Variants in STXBP5L observed in about 807,000 individuals in gnomAD.
STXBP5L encodes the protein syntaxin-binding protein 5-like.
A neutral mutation model predicts 144.5 loss-of-function variants in STXBP5L; 65 were observed. The observed-to-expected ratio is 0.45, with a 90% CI of 0.37 to 0.55. The LOEUF (loss-of-function observed/expected upper bound fraction) is 0.55, where lower values mean the gene tolerates loss of function less well. STXBP5L is among the 20% of genes least tolerant of loss of function. The probability of loss-of-function intolerance (pLI) is 0.00; values close to 1 mark genes in which losing one functional copy is unlikely to be tolerated. For missense variants in STXBP5L, 1,298 were observed against 1,405.5 expected, an observed-to-expected ratio of 0.92 and a Z score of 1.22; for synonymous variants, 505 against 469.6, an observed-to-expected ratio of 1.08 and a Z score of -0.97.
chr3:121,144,559 G>A (rs550388294), intron 7 of STXBP5L, among the ~76,000 whole-genome samples: 1 of 151,998 alleles, frequency 6.6e-6, no homozygotes, highest in East Asian at 1.9e-4. Context: ...GCAGTGTGGA[G>A]GTTCCTCAAA....
intron 5 of STXBP5L, among the ~76,000 whole-genome samples, chr3:121,054,040 G>T (rs1471461682): frequency 2.0e-5 from 3 of 152,136 alleles, no homozygotes; most frequent in African/African-American, 7.2e-5. Flanking sequence ...ACCACAATGA[G>T]ATACCATCTC....
At chr3:121,232,184 A>T (rs1343923189) in intron 11 of STXBP5L, among the ~76,000 whole-genome samples, 1 of 152,166 alleles carries the variant, frequency 6.6e-6, no homozygotes, top group Non-Finnish European at 1.5e-5. Context: ...ACACATATAC[A>T]TATACACATC....
intron 3 of STXBP5L, among the ~76,000 whole-genome samples, chr3:121,011,765 T>G (rs1263648581): frequency 6.6e-6 from 1 of 151,560 alleles, no homozygotes; most frequent in Non-Finnish European, 1.5e-5. Flanking sequence ...TGTTATATCT[T>G]TTTTTTTGTT....
At chr3:121,397,041 A>T (rs2046748548) in intron 22 of STXBP5L, among the ~76,000 whole-genome samples, 1 of 152,246 alleles carries the variant, frequency 6.6e-6, no homozygotes, top group African/African-American at 2.4e-5. Flanking sequence ...TTTGAGCTGA[A>T]GTATAGGGTG....
chr3:121,367,448 T>C (rs551738475), intron 20 of STXBP5L, among the ~76,000 whole-genome samples: 10 of 152,130 alleles, frequency 6.6e-5, no homozygotes, highest in Non-Finnish European at 1.3e-4. Context: ...GCATTTTAAA[T>C]ATATTGATTC....
At chr3:121,045,751 G>T (rs761170241) in intron 5 of STXBP5L, among the ~76,000 whole-genome samples, 12 of 152,248 alleles carry the variant, frequency 7.9e-5, no homozygotes, top group Non-Finnish European at 1.8e-4. Context: ...AGCTTAAGGA[G>T]CTTTTGGGCT....
At chr3:121,409,076 T>C (rs1316867410) in intron 23 of STXBP5L, among the ~76,000 whole-genome samples, 1 of 151,864 alleles carries the variant, frequency 6.6e-6, no homozygotes, top group Admixed American at 6.6e-5. Context: ...TTTGCACTCT[T>C]AGAAAAATAT....
chr3:121,277,972 A>G (rs2050937238), intron 18 of STXBP5L, among the ~76,000 whole-genome samples: 2 of 152,016 alleles, frequency 1.3e-5, no homozygotes, highest in South Asian at 2.1e-4. Flanking sequence ...ACATGGATGC[A>G]CAGATTAGTA....
chr3:120,971,417 A>C, intron 3 of STXBP5L, among the ~76,000 whole-genome samples: 1 of 151,114 alleles, frequency 6.6e-6, no homozygotes. Context: ...TGGAGCCTCC[A>C]ATGTCTATTA....
At chr3:121,057,576 A>G (rs1948549494) in intron 5 of STXBP5L, among the ~76,000 whole-genome samples, 1 of 152,030 alleles carries the variant, frequency 6.6e-6, no homozygotes, top group South Asian at 2.1e-4. Context: ...GGAATAATAT[A>G]TATATAGTTC....
chr3:121,235,667 C>G (rs1363163867), intron 12 of STXBP5L, among the ~76,000 whole-genome samples: 1 of 152,088 alleles, frequency 6.6e-6, no homozygotes, highest in Non-Finnish European at 1.5e-5. Flanking sequence ...TCTGATATAT[C>G]TAGTTTAACC....
chr3:121,255,000 C>G lies in STXBP5L; in HGVS notation c.1547C>G (p.Ala516Gly), dbSNP rs2050160430. The G allele has an allele frequency of 6.2e-7, 1 of 1,613,354 alleles. No individual in the cohort carries two copies. Among genetic ancestry groups the G allele is most frequent in the Non-Finnish European group, 8.5e-7 (1 of 1,179,686 alleles). ...GAAATTGTAGAGGAAGACCCATTTG[C>G]CATTCAGATGATTTACTGGTGTCCA... ...TCEIVEEDPFAIQMIYWCPES... is the reference protein window; with the variant it reads ...TCEIVEEDPFGIQMIYWCPES... The change falls in exon 16 of 27, where the codon GCC becomes GGC. Residue 516 changes from alanine (A) to glycine (G), a missense_variant. By Grantham distance (60) the Ala-to-Gly change is moderately conservative (BLOSUM62 0). Transcript: ENST00000471454.
chr3:121,324,679 TTTG>T, intron 20 of STXBP5L: 1 of 573,158 alleles, frequency 1.7e-6, no homozygotes, highest in Non-Finnish European at 3.1e-6. Flanking sequence ...TTTATTCTCA[TTTG>T]TTGTGGTGGA....
In STXBP5L at chr3:121,189,235, A is replaced by T. The variant is rs567973538; in HGVS notation, c.878-16688A>T. Among the ~76,000 whole-genome samples, 432 of 152,178 alleles carry T rather than the reference A, an allele frequency of 2.8e-3. 2 individuals are homozygous for T. The highest frequency in any genetic ancestry group is 1.3e-3 in the Non-Finnish European group (86 of 67,978). On this transcript the variant is annotated intron_variant, in intron 9 of 26. Transcript: ENST00000471454. Reference sequence around the variant, plus strand: ...AAGCTCTTTAGTTTAATTAGATCCCATTTGTCAATTTTGGCTTTTGTTGCC... The same window carrying T: ...AAGCTCTTTAGTTTAATTAGATCCCTTTTGTCAATTTTGGCTTTTGTTGCC...
chr3:121,002,660 T>G (rs557425866), intron 3 of STXBP5L, among the ~76,000 whole-genome samples: 5 of 152,234 alleles, frequency 3.3e-5, no homozygotes, highest in Admixed American at 2.0e-4. Flanking sequence ...AGAGATTAAC[T>G]TGTCATTTTA....
At chr3:121,133,547 A>G (rs1443348713) in intron 7 of STXBP5L, among the ~76,000 whole-genome samples, 2 of 152,186 alleles carry the variant, frequency 1.3e-5, no homozygotes, top group African/African-American at 2.4e-5. Flanking sequence ...TCCTTCAAAA[A>G]TGTAAGAGAG....
At chr3:120,962,412 C>G (rs1938956652) in intron 3 of STXBP5L, among the ~76,000 whole-genome samples, 1 of 152,140 alleles carries the variant, frequency 6.6e-6, no homozygotes, top group African/African-American at 2.4e-5. Context: ...GGTTTTAGGT[C>G]TCACATGTAA....
intron 20 of STXBP5L, among the ~76,000 whole-genome samples, chr3:121,369,318 C>T (rs529042398): frequency 2.8e-4 from 42 of 149,998 alleles, no homozygotes; most frequent in African/African-American, 1.0e-3. Context: ...CTTCCTATTC[C>T]ATCTCAGAAT....
At chr3:121,070,448 G>T (rs932781296) in intron 5 of STXBP5L, among the ~76,000 whole-genome samples, 1 of 151,998 alleles carries the variant, frequency 6.6e-6, no homozygotes, top group African/African-American at 2.4e-5. Context: ...GTGTAAGGGG[G>T]GTGTCACACT....
Sources: allele counts gnomAD v4.1 joint callset (sites outside exome capture counted in the v4.1 genomes callset), GRCh38; gene constraint gnomAD v4.1.1; transcripts MANE v1.5; gene names NCBI Gene and HGNC (gene_info 2026-07-23, HGNC 2026-07-21).